Variants in MRPL42 observed in about 807,000 individuals in gnomAD.
The protein encoded by MRPL42 is large ribosomal subunit protein mL42.
MRPL42 carries 17 observed loss-of-function variants against 17.9 expected under a neutral mutation model. The observed-to-expected ratio is 0.95, with a 90% CI of 0.65 to 1.42. The LOEUF is 1.42. MRPL42 is among the 40% of genes most tolerant of loss of function. The probability of loss-of-function intolerance (pLI) is 0.00; values close to 1 mark genes in which losing one functional copy is unlikely to be tolerated. For missense variants in MRPL42, 177 were observed against 175.2 expected, an observed-to-expected ratio of 1.01 and a Z score of -0.06; for synonymous variants, 59 against 54.4, an observed-to-expected ratio of 1.08 and a Z score of -0.37.
intron 5 of MRPL42, among the ~76,000 whole-genome samples, chr12:93,492,137 T>C (rs757008051): frequency 3.9e-5 from 6 of 152,228 alleles, no homozygotes; most frequent in Non-Finnish European, 7.3e-5. Context: ...ATTTACCTAG[T>C]AATGGGATTG....
chr12:93,515,085 ACT>A lies in MRPL42; in HGVS notation c.*13865_*13866del, dbSNP rs1013511554. The stretch of plus-strand genomic sequence containing the variant: ...AAAGTTTATTTTCATTGCTAACCTC[ACT>A]GATTTTTAATTTTACCATTTAAATG... On this transcript the variant is annotated 3_prime_UTR_variant, in exon 6 of 6. Coordinates refer to ENST00000549982, the MANE Select transcript of MRPL42 (RefSeq NM_014050.4). 6.6e-6 allele frequency: 1 copy of A among 152,048 alleles called. No individual in the cohort carries two copies. Among genetic ancestry groups the A allele is most frequent in the African/African-American group, 2.4e-5 (1 of 41,386 alleles). 9.4% of individuals were successfully genotyped at this position (152,048 alleles called of 1,614,324 possible). A position where few individuals can be genotyped will look rare whatever the true frequency, so the allele number is the denominator to read the frequency against.
rs1331822377 is a variant in MRPL42, at chr12:93,504,248, C to T, written c.*3027C>T. The T allele has an allele frequency of 6.5e-6, 1 of 154,294 alleles. No homozygotes were observed. The highest frequency in any genetic ancestry group is 2.4e-5 in the African/African-American group (1 of 41,504). 9.6% of individuals were successfully genotyped at this position (154,294 alleles called of 1,614,324 possible). On this transcript the variant is annotated 3_prime_UTR_variant, in exon 6 of 6. Transcript: ENST00000549982. ...CTCCACCTCCCGGGTTCAAGTGATT[C>T]TCCTGCCTCAGCCTCCTTAAGTAGT...
rs1441825701 is a variant in MRPL42, at chr12:93,484,993, T to TACACATATATATAC, written c.220-2503_220-2502insCACATATATATACA. On this transcript the variant is annotated intron_variant, in intron 4 of 5. Coordinates refer to ENST00000549982, the MANE Select transcript of MRPL42 (RefSeq NM_014050.4). ...ACACACACACACATATATATATATA[T>TACACATATATATAC]ATATATATATATATATATATATATA... Among the ~76,000 whole-genome samples the TACACATATATATAC allele has an allele frequency of 4.7e-4, 13 of 27,660 alleles. 3 individuals carry two copies. The highest frequency in any genetic ancestry group is 1.4e-3 in the South Asian group (1 of 720). 18.1% of individuals were successfully genotyped at this position (27,660 alleles called of 152,430 possible).
In MRPL42 at chr12:93,506,733, G is replaced by C. The variant is rs144746720; in HGVS notation, c.*5512G>C. The C allele has an allele frequency of 2.6e-5, 4 of 152,092 alleles. No individual in the cohort carries two copies. The highest frequency in any genetic ancestry group is 5.9e-5 in the Non-Finnish European group (4 of 68,004). The allele number at this position is 152,092 out of a possible 1,614,324, so 9.4% of individuals were successfully genotyped here. On this transcript the variant is annotated 3_prime_UTR_variant, in exon 6 of 6. Coordinates refer to ENST00000549982, the MANE Select transcript of MRPL42 (RefSeq NM_014050.4). The stretch of plus-strand genomic sequence containing the variant: ...CTTCTTTCCCCTCTAGTCAAAATTA[G>C]TCTCTTCTTCACTCATAATGCAAAG...
At chr12:93,491,830 C>A (rs1291573989) in intron 5 of MRPL42, among the ~76,000 whole-genome samples, 1 of 152,160 alleles carries the variant, frequency 6.6e-6, no homozygotes, top group African/African-American at 2.4e-5. Context: ...CGTGTGTACC[C>A]AGTGTTTGGC....
intron 4 of MRPL42, among the ~76,000 whole-genome samples, chr12:93,480,381 A>G (rs1379811544): frequency 1.3e-5 from 2 of 151,970 alleles, no homozygotes; most frequent in Non-Finnish European, 2.9e-5. Context: ...TCGGCCTCCC[A>G]AAGCGCTGGG....
In MRPL42 at chr12:93,515,841, A is replaced by G. The variant is rs1953776680; in HGVS notation, c.*14620A>G. 1 of 152,054 alleles carries G rather than the reference A, an allele frequency of 6.6e-6. No homozygotes were observed. Among genetic ancestry groups the G allele is most frequent in the Admixed American group, 6.5e-5 (1 of 15,282 alleles). 9.4% of individuals were successfully genotyped at this position (152,054 alleles called of 1,614,324 possible). A position where few individuals can be genotyped will look rare whatever the true frequency, so the allele number is the denominator to read the frequency against. On this transcript the variant is annotated 3_prime_UTR_variant, in exon 6 of 6. Transcript: ENST00000549982. ...TAAACAAGATGACTCTGAAACCTTA[A>G]TAAAGTGAGAAAAAACAAGTCCACT...
At chr12:93,490,415 CTTGG>C (rs1953389899) in intron 5 of MRPL42, among the ~76,000 whole-genome samples, 1 of 152,152 alleles carries the variant, frequency 6.6e-6, no homozygotes, top group South Asian at 2.1e-4. Flanking sequence ...TAATAAAGAG[CTTGG>C]CAGAGAAACC....
At position 93,495,883 on chromosome 12, in the gene MRPL42, T is replaced by G. The variant is rs76257347; in HGVS notation, c.384-5293T>G. On this transcript the variant is annotated intron_variant, in intron 5 of 5. Coordinates refer to ENST00000549982, the MANE Select transcript of MRPL42 (RefSeq NM_014050.4). ...AATCACTGGGAAATTTACCAGTGCA[T>G]CCTCAAAACTTCCATAAAGTATGGT... Among the ~76,000 whole-genome samples the G allele has an allele frequency of 2.1e-3, 325 of 152,262 alleles. 2 individuals carry two copies. The highest frequency in any genetic ancestry group is 7.5e-3 in the African/African-American group (312 of 41,566).
At chr12:93,491,091 A>G (rs1156853551) in intron 5 of MRPL42, among the ~76,000 whole-genome samples, 2 of 152,098 alleles carry the variant, frequency 1.3e-5, no homozygotes, top group African/African-American at 4.8e-5. Flanking sequence ...GGGTTTCACC[A>G]TGTTGGCCAG....
intron 1 of MRPL42, 23 bp from the exon 2 acceptor site, chr12:93,469,169 A>G (rs1879778482): frequency 2.8e-6 from 2 of 722,374 alleles, no homozygotes; most frequent in African/African-American, 3.7e-5. Context: ...GGTAGCACTG[A>G]TTTTTCTTTA....
chr12:93,469,411 A>G (rs894320578), intron 2 of MRPL42, 56 bp downstream of exon 2: 6 of 1,327,226 alleles, frequency 4.5e-6, no homozygotes, highest in Non-Finnish European at 6.3e-6. Context: ...GAATTAAGAA[A>G]ATTTAAAGCA....
intron 5 of MRPL42, among the ~76,000 whole-genome samples, chr12:93,494,663 A>C (rs912322618): frequency 6.6e-6 from 1 of 152,092 alleles, no homozygotes; most frequent in Non-Finnish European, 1.5e-5. Flanking sequence ...ACAGGTCTTG[A>C]CCACAGATGG....
At chr12:93,492,135 A>G (rs918999501) in intron 5 of MRPL42, among the ~76,000 whole-genome samples, 3 of 152,200 alleles carry the variant, frequency 2.0e-5, no homozygotes, top group African/African-American at 7.2e-5. Flanking sequence ...GTATTTACCT[A>G]GTAATGGGAT....
At chr12:93,481,362 G>T (rs1648673920) in intron 4 of MRPL42, among the ~76,000 whole-genome samples, 1 of 152,030 alleles carries the variant, frequency 6.6e-6, no homozygotes, top group Admixed American at 6.5e-5. Context: ...TTTACCACTG[G>T]GTCTAAAGAT....
rs771625617 is a variant in MRPL42 at position 93,512,709 on chromosome 12, CTT to C, written c.*11489_*11490del. ...AATTGTCATTGAAGTTGGTGATTGT[CTT>C]GATATTGCACATCTGTAAGAAGTAA... On this transcript the variant is annotated 3_prime_UTR_variant, in exon 6 of 6. Transcript: ENST00000549982. 6.6e-6 allele frequency: 1 copy of C among 152,202 alleles called. No individual in the cohort carries two copies. The highest frequency in any genetic ancestry group is 1.5e-5 in the Non-Finnish European group (1 of 68,034). 9.4% of individuals were successfully genotyped at this position (152,202 alleles called of 1,614,324 possible).
chr12:93,477,369 G>C (rs1368658918), intron 3 of MRPL42, among the ~76,000 whole-genome samples: 1 of 152,018 alleles, frequency 6.6e-6, no homozygotes, highest in Non-Finnish European at 1.5e-5. Context: ...CTTTTCTTTT[G>C]TTTGATATTG....
chr12:93,476,809 T>C lies in MRPL42; in HGVS notation c.71-145T>C, dbSNP rs1364985981. Reference sequence around the variant, plus strand: ...TTTTGAGGGTAGGGACTGAGTCTTGTTTGTTGTTGAATCCCTAGCCCCTAG... The same window carrying C: ...TTTTGAGGGTAGGGACTGAGTCTTGCTTGTTGTTGAATCCCTAGCCCCTAG... On this transcript the variant is annotated intron_variant, in intron 2 of 5. Coordinates refer to ENST00000549982, the MANE Select transcript of MRPL42 (RefSeq NM_014050.4). 5 of 697,604 alleles carry C rather than the reference T, an allele frequency of 7.2e-6. No homozygotes were observed. The East Asian group carries it at 1.4e-4, about 19-fold the overall frequency. 43.2% of individuals were successfully genotyped at this position (697,604 alleles called of 1,614,324 possible).
chr12:93,471,538 T>C (rs1879910852), intron 2 of MRPL42, among the ~76,000 whole-genome samples: 2 of 152,066 alleles, frequency 1.3e-5, no homozygotes, highest in African/African-American at 4.8e-5. Context: ...TGACCTCAAG[T>C]GATCTGCCCA....
Sources: allele counts gnomAD v4.1 joint callset (sites outside exome capture counted in the v4.1 genomes callset), GRCh38; gene constraint gnomAD v4.1.1; transcripts MANE v1.5; gene names NCBI Gene and HGNC (gene_info 2026-07-23, HGNC 2026-07-21).